FAM81A: variants seen among roughly 807,000 people sequenced by gnomAD.
The protein encoded by FAM81A is family with sequence similarity 81 member A, also known as protein FAM81A.
Under a neutral mutation model 46.7 loss-of-function variants are expected in FAM81A, and 19 were observed. The ratio of observed to expected loss-of-function variants is 0.41; its 90% CI spans 0.28 to 0.60. FAM81A has a LOEUF of 0.60. Among genes scored for constraint, FAM81A ranks in the 20% least tolerant of loss-of-function variants. The pLI is 0.34. For missense variants in FAM81A, 377 were observed against 453.5 expected, an observed-to-expected ratio of 0.83 and a Z score of 1.53; for synonymous variants, 183 against 152.9, an observed-to-expected ratio of 1.20 and a Z score of -1.45.
At chr15:59,448,077 T>G (rs1274240678) in intron 1 of FAM81A, among the ~76,000 whole-genome samples, 3 of 152,116 alleles carry the variant, frequency 2.0e-5, no homozygotes, top group African/African-American at 7.2e-5. Flanking sequence ...AGTAGATAAC[T>G]TCAACATTTG....
At chr15:59,480,741 A>C (rs1453469771) in intron 3 of FAM81A, among the ~76,000 whole-genome samples, 2 of 152,174 alleles carry the variant, frequency 1.3e-5, no homozygotes, top group East Asian at 3.8e-4. Flanking sequence ...ATGGAGAAGC[A>C]ATGCCATATA....
At chr15:59,419,999 C>G (rs1202207999) in intron 2 of FAM81A, among the ~76,000 whole-genome samples, 1 of 152,226 alleles carries the variant, frequency 6.6e-6, no homozygotes, top group African/African-American at 2.4e-5. Flanking sequence ...CCCCTTCACA[C>G]TCCCTAGCCC....
At chr15:59,459,737 A>C (rs1939351222) in intron 2 of FAM81A, among the ~76,000 whole-genome samples, 196 bp from the exon 3 acceptor site, 1 of 152,060 alleles carries the variant, frequency 6.6e-6, no homozygotes, top group Non-Finnish European at 1.5e-5. Context: ...TAAAACACTG[A>C]AGTCTGTGGG....
intron 4 of FAM81A, among the ~76,000 whole-genome samples, chr15:59,502,686 G>T (rs1221640100): frequency 6.6e-6 from 1 of 151,792 alleles, no homozygotes; most frequent in East Asian, 2.0e-4. Flanking sequence ...GCTAATTTTT[G>T]TATTTTTTAT....
In FAM81A at chr15:59,469,908, C is replaced by G. The variant is rs544051943; in HGVS notation, c.294+9702C>G. 4.6e-5 allele frequency among the ~76,000 whole-genome samples: 7 copies of G among 152,182 alleles called. No homozygotes were observed. The East Asian group carries it at 1.4e-3, about 29-fold the overall frequency. ...CTTCAGGAGCTCTTGTAAGGCAGAC[C>G]TGGTGGTGACAAAATCTCTCAGCAT... On this transcript the variant is annotated intron_variant, in intron 3 of 8. Coordinates refer to ENST00000288228, the MANE Select transcript of FAM81A (RefSeq NM_152450.3).
intron 1 of FAM81A, 56 bp from the exon 2 acceptor site, chr15:59,458,494 G>C: frequency 7.3e-6 from 9 of 1,236,778 alleles, no homozygotes; most frequent in Non-Finnish European, 1.0e-5. Flanking sequence ...ATAAGCTTTT[G>C]AGGTTAAGTT....
At chr15:59,470,870 T>C (rs1192794289) in intron 3 of FAM81A, among the ~76,000 whole-genome samples, 1 of 152,128 alleles carries the variant, frequency 6.6e-6, no homozygotes, top group Admixed American at 6.5e-5. Flanking sequence ...CCTAGGCTGG[T>C]ATAGTGCAGT....
At chr15:59,511,954 C>T (rs1291678320) in intron 6 of FAM81A, among the ~76,000 whole-genome samples, 10 of 152,116 alleles carry the variant, frequency 6.6e-5, no homozygotes, top group Admixed American at 6.5e-4. Flanking sequence ...CGGCCCATAA[C>T]AGCATTATTT....
chr15:59,481,216 T>C (rs1567062606), intron 3 of FAM81A, among the ~76,000 whole-genome samples: 1 of 152,210 alleles, frequency 6.6e-6, no homozygotes, highest in East Asian at 1.9e-4. Context: ...CAGGCTAGTC[T>C]CAAACTCCTG....
intron 3 of FAM81A, among the ~76,000 whole-genome samples, chr15:59,478,247 TCA>T (rs1189373277): frequency 6.6e-6 from 1 of 152,220 alleles, no homozygotes; most frequent in Non-Finnish European, 1.5e-5. Context: ...TCCCATGTGC[TCA>T]ACTTCATGAT....
At chr15:59,401,727 C>G in intron 1 of FAM81A, 1 of 774,706 alleles carries the variant, frequency 1.3e-6, no homozygotes, top group Non-Finnish European at 2.4e-6. Context: ...CCCTCTCTGT[C>G]CAGCAGATAG....
At chr15:59,424,201 G>A (rs571372252) in intron 2 of FAM81A, among the ~76,000 whole-genome samples, 79 of 152,322 alleles carry the variant, frequency 5.2e-4, no homozygotes, top group African/African-American at 1.9e-3. Flanking sequence ...CAGCTGACCA[G>A]AGGGTTCATA....
intron 3 of FAM81A, 116 bp from the exon 4 acceptor site, chr15:59,492,155 G>A (rs896863740): frequency 1.3e-5 from 9 of 703,034 alleles, no homozygotes; most frequent in Non-Finnish European, 2.2e-5. Context: ...TGTTGAAAAG[G>A]AGTCTCTTAT....
At chr15:59,426,307 C>G (rs191281867) in intron 2 of FAM81A, among the ~76,000 whole-genome samples, 2 of 152,134 alleles carry the variant, frequency 1.3e-5, no homozygotes, top group East Asian at 3.9e-4. Flanking sequence ...AAAATTGGCT[C>G]TAAGAAATAC....
rs1162526883 is a variant in FAM81A, at chr15:59,522,821, T to C, written c.*1443T>C. The C allele has an allele frequency of 6.6e-6, 1 of 152,658 alleles. No homozygotes were observed. Among genetic ancestry groups the C allele is most frequent in the Non-Finnish European group, 1.5e-5 (1 of 68,048 alleles). 9.5% of individuals were successfully genotyped at this position (152,658 alleles called of 1,614,324 possible). Reference sequence around the variant, plus strand: ...CTAACTGGCTATTACTGTTTACCCATATAAAATATGCTGCTAAAGTACATA... The same window carrying C: ...CTAACTGGCTATTACTGTTTACCCACATAAAATATGCTGCTAAAGTACATA... On this transcript the variant is annotated 3_prime_UTR_variant, in exon 9 of 9. Coordinates refer to ENST00000288228, the MANE Select transcript of FAM81A (RefSeq NM_152450.3).
At chr15:59,481,041 C>T (rs1240311497) in intron 3 of FAM81A, among the ~76,000 whole-genome samples, 1 of 152,066 alleles carries the variant, frequency 6.6e-6, no homozygotes, top group Non-Finnish European at 1.5e-5. Context: ...GTTGCTCAGG[C>T]TGGAGTGCAG....
chr15:59,452,910 A>T lies in FAM81A; in HGVS notation c.-77-5640A>T, dbSNP rs1458022186. ...CCTAAGTAGCTGGGACTGCAGGCAT[A>T]CACCAACATGCCTGGCTAATTTTTG... On this transcript the variant is annotated intron_variant, in intron 1 of 8. Transcript: ENST00000288228. Among the ~76,000 whole-genome samples the T allele has an allele frequency of 5.3e-4, 80 of 152,016 alleles. 2 individuals carry two copies.
At chr15:59,439,168 G>A (rs1189190275) in intron 1 of FAM81A, 1 of 151,784 alleles carries the variant, frequency 6.6e-6, no homozygotes, top group African/African-American at 2.4e-5. Context: ...CAAAGTCTGC[G>A]TACGGCAGTG....
intron 2 of FAM81A, among the ~76,000 whole-genome samples, chr15:59,418,482 A>C (rs370776515): frequency 2.0e-5 from 3 of 152,224 alleles, no homozygotes; most frequent in African/African-American, 7.2e-5. Context: ...AAGTAGAGCA[A>C]GAAAGTTTAG....
Sources: gnomAD v4.1 joint callset for allele counts (sites outside exome capture counted in the v4.1 genomes callset) on GRCh38, gnomAD v4.1.1 for gene constraint, MANE v1.5 for transcripts, NCBI Gene and HGNC (gene_info 2026-07-23, HGNC 2026-07-21) for gene names.